CLVS1: variants seen among roughly 807,000 people sequenced by gnomAD.
CLVS1 encodes the protein clavesin 1.
A neutral mutation model predicts 33.1 loss-of-function variants in CLVS1; 10 were observed. The observed-to-expected ratio is 0.30, with a 90% CI of 0.19 to 0.51. The LOEUF is 0.51. CLVS1 is among the 20% of genes least tolerant of loss of function. The pLI is 0.97. For missense variants in CLVS1, 343 were observed against 433.4 expected, an observed-to-expected ratio of 0.79 and a Z score of 1.85; for synonymous variants, 163 against 166.1, an observed-to-expected ratio of 0.98 and a Z score of 0.14.
At chr8:61,230,227 T>C (rs1265510330) in intron 2 of CLVS1, among the ~76,000 whole-genome samples, 1 of 152,194 alleles carries the variant, frequency 6.6e-6, no homozygotes, top group Non-Finnish European at 1.5e-5. Context: ...AGCCTGTTTC[T>C]ACTTTTCTTT....
At chr8:61,258,396 A>C (rs903108369) in intron 2 of CLVS1, among the ~76,000 whole-genome samples, 2 of 152,214 alleles carry the variant, frequency 1.3e-5, no homozygotes, top group Non-Finnish European at 2.9e-5. Flanking sequence ...AAGCAGTGCC[A>C]TACATCTTGT....
intron 2 of CLVS1, among the ~76,000 whole-genome samples, chr8:61,232,404 G>A (rs1808467415): frequency 6.6e-6 from 1 of 152,050 alleles, no homozygotes; most frequent in Non-Finnish European, 1.5e-5. Flanking sequence ...ACATGCAAGA[G>A]GTCTGTTTCT....
At chr8:61,218,898 C>T (rs963142420) in intron 2 of CLVS1, among the ~76,000 whole-genome samples, 2 of 151,974 alleles carry the variant, frequency 1.3e-5, no homozygotes, top group Non-Finnish European at 2.9e-5. Context: ...GAGCTGAGAT[C>T]GTGCCATTGC....
intron 2 of CLVS1, among the ~76,000 whole-genome samples, chr8:61,215,689 T>TGTGTGC (rs2129308353): frequency 4.2e-5 from 1 of 23,922 alleles, no homozygotes; most frequent in South Asian, 2.3e-3. Flanking sequence ...AAAATGTGTG[T>TGTGTGC]GTGTGTGTGT....
At chr8:61,203,017 G>T (rs1019376981) in intron 2 of CLVS1, 1 of 1,341,018 alleles carries the variant, frequency 7.5e-7, no homozygotes, top group Non-Finnish European at 1.1e-6. Flanking sequence ...AAAAGGACAA[G>T]AATCTTTCAA....
chr8:61,399,407 T>A (rs1209746613), intron 3 of CLVS1, among the ~76,000 whole-genome samples: 3 of 152,226 alleles, frequency 2.0e-5, no homozygotes, highest in African/African-American at 7.2e-5. Context: ...TCTTTTTTCT[T>A]GTAAATTTGT....
chr8:61,209,022 G>T (rs750666699), intron 2 of CLVS1, among the ~76,000 whole-genome samples: 8 of 152,130 alleles, frequency 5.3e-5, no homozygotes, highest in Non-Finnish European at 1.0e-4. Flanking sequence ...CAGTTGATAG[G>T]GCAGTGTAAG....
At chr8:61,283,772 G>T (rs1371064256), upstream of CLVS1, among the ~76,000 whole-genome samples, 1 of 152,162 alleles carries the variant, frequency 6.6e-6, no homozygotes, top group Non-Finnish European at 1.5e-5. Flanking sequence ...TTGAAGCACA[G>T]CCTATCATGT....
At chr8:61,306,013 G>A (rs992070770) in intron 2 of CLVS1, among the ~76,000 whole-genome samples, 3 of 152,134 alleles carry the variant, frequency 2.0e-5, no homozygotes, top group Non-Finnish European at 2.9e-5. Flanking sequence ...ACGTGCATGT[G>A]TCTTTAACAG....
chr8:61,325,205 T>TACACACACAC (rs150282296), intron 2 of CLVS1, among the ~76,000 whole-genome samples: 5 of 150,246 alleles, frequency 3.3e-5, no homozygotes, highest in African/African-American at 1.2e-4. Flanking sequence ...TACACACACA[T>TACACACACAC]ACACACACAC....
At position 61,253,473 on chromosome 8, in the gene CLVS1, T is replaced by G. The variant is rs367864139; in HGVS notation, c.-151-46204T>G. Among the ~76,000 whole-genome samples, 139 of 152,298 alleles carry G rather than the reference T, an allele frequency of 9.1e-4. 2 individuals carry two copies. Among genetic ancestry groups the G allele is most frequent in the African/African-American group, 1.1e-3 (45 of 41,574 alleles). ...CTGAATTTGAATGTTGGCCTGCCTTTCTAGATTGGGGAAGTTCTCCTGGAT... is the reference window on the plus strand; with the variant it reads ...CTGAATTTGAATGTTGGCCTGCCTTGCTAGATTGGGGAAGTTCTCCTGGAT... On this transcript the variant is annotated intron_variant, in intron 2 of 2. Transcript: ENST00000522621.
At chr8:61,426,456 A>G (rs1444126213) in intron 3 of CLVS1, among the ~76,000 whole-genome samples, 5 of 152,150 alleles carry the variant, frequency 3.3e-5, no homozygotes. Flanking sequence ...CCATCCCAAC[A>G]CTGTCACCTC....
At chr8:61,054,690 A>C (rs1357085661), upstream of CLVS1, among the ~76,000 whole-genome samples, 1 of 151,664 alleles carries the variant, frequency 6.6e-6, no homozygotes, top group Non-Finnish European at 1.5e-5. Flanking sequence ...AAAGGAAAGT[A>C]CTTTGTACTA....
chr8:61,045,162 T>A, the CLVS1 span, among the ~76,000 whole-genome samples: 1 of 152,214 alleles, frequency 6.6e-6, no homozygotes, highest in Non-Finnish European at 1.5e-5. Context: ...AAACATCAGA[T>A]TTGTAAGCTC....
intron 1 of CLVS1, among the ~76,000 whole-genome samples, chr8:61,084,228 A>G (rs1257682020): frequency 2.6e-5 from 4 of 152,182 alleles, no homozygotes; most frequent in Admixed American, 1.3e-4. Context: ...TATTTTATCT[A>G]TTTTAGCACT....
At chr8:61,399,112 T>C (rs1009520367) in intron 3 of CLVS1, among the ~76,000 whole-genome samples, 6 of 152,200 alleles carry the variant, frequency 3.9e-5, no homozygotes, top group Non-Finnish European at 7.3e-5. Context: ...CTCTAGATCT[T>C]TGAGGAATCT....
At chr8:61,236,821 C>T (rs1808572397) in intron 2 of CLVS1, among the ~76,000 whole-genome samples, 2 of 152,164 alleles carry the variant, frequency 1.3e-5, no homozygotes, top group African/African-American at 4.8e-5. Context: ...GTCGCTTCCC[C>T]AGGTCACAGA....
chr8:61,251,968 T>G (rs1416303015), intron 2 of CLVS1, among the ~76,000 whole-genome samples: 1 of 152,182 alleles, frequency 6.6e-6, no homozygotes, highest in African/African-American at 2.4e-5. Context: ...ATTTTTGAAT[T>G]TGTTTGCTGT....
intron 2 of CLVS1, chr8:61,264,521 C>A (rs1410627640): frequency 6.6e-6 from 1 of 151,170 alleles, no homozygotes; most frequent in Non-Finnish European, 1.5e-5. Flanking sequence ...AATCGTAAAT[C>A]AATACATCAA....
Sources: allele counts gnomAD v4.1 joint callset (sites outside exome capture counted in the v4.1 genomes callset), GRCh38; gene constraint gnomAD v4.1.1; transcripts MANE v1.5; gene names NCBI Gene and HGNC (gene_info 2026-07-23, HGNC 2026-07-21).